Variants in FAM135B observed in about 807,000 individuals in gnomAD.
FAM135B encodes the protein protein FAM135B.
In FAM135B, 43 loss-of-function variants were observed where a neutral mutation model predicts 127.7. The ratio of observed to expected loss-of-function variants is 0.34; its 90% confidence interval spans 0.26 to 0.43. The LOEUF is 0.43. FAM135B is among the 20% of genes least tolerant of loss of function. FAM135B has a pLI of 1.00. For missense variants in FAM135B, 1,558 were observed against 1,725.6 expected, an observed-to-expected ratio of 0.90 and a Z score of 1.72; for synonymous variants, 670 against 665.1, an observed-to-expected ratio of 1.01 and a Z score of -0.11.
At chr8:138,157,476 G>C (rs1456554592) in intron 12 of FAM135B, among the ~76,000 whole-genome samples, 2 of 152,166 alleles carry the variant, frequency 1.3e-5, no homozygotes, top group Non-Finnish European at 2.9e-5. Flanking sequence ...TAAATAAAGG[G>C]TATTCAATTA....
At chr8:138,201,831 A>T (rs1817143287) in intron 7 of FAM135B, among the ~76,000 whole-genome samples, 1 of 152,234 alleles carries the variant, frequency 6.6e-6, no homozygotes, top group South Asian at 2.1e-4. Flanking sequence ...AGGACAAAAA[A>T]TAGGCACCTC....
At chr8:138,196,261 A>C (rs1460803550) in intron 8 of FAM135B, among the ~76,000 whole-genome samples, 1 of 152,224 alleles carries the variant, frequency 6.6e-6, no homozygotes, top group East Asian at 1.9e-4. Flanking sequence ...AGCTATATAA[A>C]GTCACTCTGA....
intron 1 of FAM135B, among the ~76,000 whole-genome samples, chr8:138,478,727 A>T (rs1282546639): frequency 6.6e-6 from 1 of 152,224 alleles, no homozygotes; most frequent in East Asian, 1.9e-4. Flanking sequence ...ACAAATAATA[A>T]GGGCCTTGCC....
chr8:138,274,608 T>C (rs1005639354), intron 3 of FAM135B, among the ~76,000 whole-genome samples: 1 of 152,166 alleles, frequency 6.6e-6, no homozygotes, highest in African/African-American at 2.4e-5. Flanking sequence ...CTCTTCCTAA[T>C]AAGCCTGGGA....
chr8:138,243,194 C>T lies in FAM135B; in HGVS notation c.543-126G>A, dbSNP rs1820980603. The T allele has an allele frequency of 8.1e-6, 9 of 1,105,344 alleles. No individual in the cohort carries two copies. Among genetic ancestry groups the T allele is most frequent in the Non-Finnish European group, 6.2e-6 (5 of 804,332 alleles). The allele number at this position is 1,105,344 out of a possible 1,614,324, so 68.5% of individuals were successfully genotyped here. A position where few individuals can be genotyped will look rare whatever the true frequency, so the allele number is the denominator to read the frequency against. On this transcript the variant is annotated intron_variant, in intron 6 of 19. Coordinates refer to ENST00000395297, the MANE Select transcript of FAM135B (RefSeq NM_015912.4). The surrounding 1 kb of genome is among the most constrained non-coding windows in gnomAD (Gnocchi z 7.5). ...TAAGTCATTTAGGAGTAGTTCACCC[C>T]CTAGGGAGTGTTTGCATGTGACATT...
intron 1 of FAM135B, among the ~76,000 whole-genome samples, chr8:138,445,347 C>CA (rs1390870820): frequency 2.6e-5 from 4 of 151,910 alleles, no homozygotes; most frequent in Non-Finnish European, 5.9e-5. Flanking sequence ...AGAGACACAA[C>CA]AAAAAAAGAG....
At chr8:138,206,520 T>TCATCCCCTCCATCTACACACAACTCCAG in intron 7 of FAM135B, among the ~76,000 whole-genome samples, 1 of 148,878 alleles carries the variant, frequency 6.7e-6, no homozygotes, top group Non-Finnish European at 1.5e-5. Context: ...CACAGCTCTA[T>TCATCCCCTCCATCTACACACAACTCCAG]CATCCCCTCC....
At chr8:138,491,441 A>C (rs1001236940) in intron 1 of FAM135B, among the ~76,000 whole-genome samples, 4 of 152,184 alleles carry the variant, frequency 2.6e-5, no homozygotes, top group African/African-American at 7.2e-5. Flanking sequence ...CCAATTGCCT[A>C]GTAATGCCTG....
intron 2 of FAM135B, among the ~76,000 whole-genome samples, chr8:138,321,535 G>T (rs947868719): frequency 6.6e-6 from 1 of 152,188 alleles, no homozygotes. Context: ...GATTAAGAGG[G>T]TAAGCTCTGA....
At chr8:138,180,509 G>A (rs1196591754) in intron 9 of FAM135B, among the ~76,000 whole-genome samples, 1 of 152,096 alleles carries the variant, frequency 6.6e-6, no homozygotes, top group African/African-American at 2.4e-5. Flanking sequence ...CTGCTTTTGG[G>A]TGTAAAATAT....
At chr8:138,315,149 G>A (rs180791587) in intron 2 of FAM135B, among the ~76,000 whole-genome samples, 162 of 152,018 alleles carry the variant, frequency 1.1e-3, no homozygotes, top group African/African-American at 3.8e-3. Flanking sequence ...CAATTTAAAA[G>A]GACAAAGGAC....
intron 1 of FAM135B, among the ~76,000 whole-genome samples, chr8:138,495,538 C>T (rs1244030951): frequency 6.6e-6 from 1 of 152,182 alleles, no homozygotes; most frequent in Non-Finnish European, 1.5e-5. Flanking sequence ...AGACTGTCCC[C>T]CGAGGCCACG....
At chr8:138,388,743 A>G (rs914221437) in intron 1 of FAM135B, among the ~76,000 whole-genome samples, 1 of 152,238 alleles carries the variant, frequency 6.6e-6, no homozygotes, top group Admixed American at 6.5e-5. Flanking sequence ...TTTAAGAAAT[A>G]GGAAGCAGTG....
intron 1 of FAM135B, among the ~76,000 whole-genome samples, chr8:138,467,389 A>G (rs2131636655): frequency 6.6e-6 from 1 of 152,364 alleles, no homozygotes; most frequent in African/African-American, 2.4e-5. Context: ...TACTTACATT[A>G]AAATTAATTA....
intron 1 of FAM135B, among the ~76,000 whole-genome samples, chr8:138,464,293 C>A (rs567577495): frequency 6.6e-6 from 1 of 152,172 alleles, no homozygotes; most frequent in Non-Finnish European, 1.5e-5. Context: ...TCCTGAGACA[C>A]AAATGGACAT....
intron 6 of FAM135B, among the ~76,000 whole-genome samples, chr8:138,244,066 T>C (rs1821089431): frequency 6.6e-6 from 1 of 152,172 alleles, no homozygotes; most frequent in Non-Finnish European, 1.5e-5. Flanking sequence ...GCTTAAAATA[T>C]TGACAGGAAA....
At chr8:138,367,125 G>T (rs937960015) in intron 2 of FAM135B, among the ~76,000 whole-genome samples, 1 of 152,146 alleles carries the variant, frequency 6.6e-6, no homozygotes, top group Admixed American at 6.5e-5. Flanking sequence ...TTTTAGAAAA[G>T]TTCGTTATGC....
At chr8:138,481,946 T>A (rs1814797141) in intron 1 of FAM135B, among the ~76,000 whole-genome samples, 1 of 152,134 alleles carries the variant, frequency 6.6e-6, no homozygotes, top group Non-Finnish European at 1.5e-5. Flanking sequence ...ACAAGATAAA[T>A]AAGTCAATGG....
chr8:138,187,162 A>G (rs1815659078), intron 9 of FAM135B, among the ~76,000 whole-genome samples: 1 of 152,188 alleles, frequency 6.6e-6, no homozygotes, highest in African/African-American at 2.4e-5. Flanking sequence ...CTTTCCTTGT[A>G]TGGTATTGTG....
Sources: allele counts gnomAD v4.1 joint callset (sites outside exome capture counted in the v4.1 genomes callset), GRCh38; gene constraint gnomAD v4.1.1; non-coding constraint Gnocchi (gnomAD v3.1); transcripts MANE v1.5; gene names NCBI Gene and HGNC (gene_info 2026-07-23, HGNC 2026-07-21).